STX18: variants seen among roughly 807,000 people sequenced by gnomAD.
STX18 encodes the protein syntaxin 18.
A neutral mutation model predicts 50.1 loss-of-function variants in STX18; 40 were observed. The observed-to-expected ratio is 0.80, with a 90% confidence interval of 0.62 to 1.04. The LOEUF (loss-of-function observed/expected upper bound fraction) is 1.04. Ranked by LOEUF, STX18 falls within the 50% of genes least tolerant of loss-of-function variation. STX18 has a pLI of 0.00. For missense variants in STX18, 410 were observed against 415.8 expected (o/e 0.99, Z 0.12); for synonymous variants, 158 against 151.8 (o/e 1.04, Z -0.30).
chr4:4,431,933 T>C (rs1231607407), intron 7 of STX18, among the ~76,000 whole-genome samples: 1 of 152,170 alleles, frequency 6.6e-6, no homozygotes, highest in Non-Finnish European at 1.5e-5. Context: ...CCACCGACTA[T>C]ACAATGTGCA....
chr4:4,501,452 C>A (rs1284376465), intron 1 of STX18, among the ~76,000 whole-genome samples: 1 of 152,138 alleles, frequency 6.6e-6, no homozygotes, highest in Admixed American at 6.6e-5. Flanking sequence ...TGCAATTAAA[C>A]CCAATTCTTT....
intron 7 of STX18, among the ~76,000 whole-genome samples, chr4:4,433,873 T>C (rs1422548950): frequency 1.3e-5 from 2 of 152,200 alleles, no homozygotes; most frequent in Non-Finnish European, 1.5e-5. Flanking sequence ...CCACTCCTTA[T>C]CTTCTTGAGG....
At chr4:4,499,731 G>C (rs1165546475) in intron 1 of STX18, among the ~76,000 whole-genome samples, 1 of 152,060 alleles carries the variant, frequency 6.6e-6, no homozygotes, top group Non-Finnish European at 1.5e-5. Context: ...ACAATCACTG[G>C]GCAAAAAATC....
chr4:4,541,941 T>G lies in STX18; in HGVS notation c.24A>C (p.Leu8=), dbSNP rs752349492. 5.6e-6 allele frequency: 9 copies of G among 1,607,224 alleles called. No individual in the cohort carries two copies. The highest frequency in any genetic ancestry group is 1.1e-5 in the South Asian group (1 of 90,214). MAVDITL[L]FRASVKTVKT... ...TCACGGTCTTGACGCTGGCCCGGAA[T>G]AGCAGCGTGATGTCCACCGCCATAG... Residue 8 remains leucine, a synonymous_variant, in exon 1 of 11, where the codon CTA becomes CTC. Transcript: ENST00000306200.
At chr4:4,449,331 G>A (rs1342654759) in intron 5 of STX18, among the ~76,000 whole-genome samples, 2 of 152,096 alleles carry the variant, frequency 1.3e-5, no homozygotes, top group Non-Finnish European at 2.9e-5. Flanking sequence ...GATTATAGGT[G>A]TGAGCCACTG....
intron 1 of STX18, among the ~76,000 whole-genome samples, chr4:4,480,380 G>A (rs1728398953): frequency 6.6e-6 from 1 of 152,234 alleles, no homozygotes; most frequent in South Asian, 2.1e-4. Context: ...GCTGTCTCCA[G>A]ACGCAAAGCC....
chr4:4,526,277 C>T (rs753733458), intron 1 of STX18, among the ~76,000 whole-genome samples: 23 of 152,068 alleles, frequency 1.5e-4, no homozygotes, highest in Admixed American at 3.9e-4. Flanking sequence ...ATGGATGAGA[C>T]GGAGAGAAAG....
intron 9 of STX18, among the ~76,000 whole-genome samples, chr4:4,421,416 A>G (rs1180504550): frequency 6.6e-6 from 1 of 151,856 alleles, no homozygotes; most frequent in Non-Finnish European, 1.5e-5. Context: ...ACGCCTGGCT[A>G]AATTTTTAAA....
intron 7 of STX18, chr4:4,425,561 T>C (rs748090572): frequency 4.0e-5 from 15 of 376,864 alleles, no homozygotes; most frequent in Middle Eastern, 7.3e-4. Flanking sequence ...AGTACCATTA[T>C]TAAGAAAATT....
At chr4:4,427,524 C>T (rs1418689364) in intron 7 of STX18, among the ~76,000 whole-genome samples, 3 of 152,252 alleles carry the variant, frequency 2.0e-5, no homozygotes, top group Non-Finnish European at 4.4e-5. Flanking sequence ...TACTACTCAG[C>T]TTTCCCTGGG....
intron 2 of STX18, among the ~76,000 whole-genome samples, chr4:4,469,437 G>A (rs1308865601): frequency 6.6e-6 from 1 of 152,150 alleles, no homozygotes; most frequent in Non-Finnish European, 1.5e-5. Context: ...GACAGGGCCT[G>A]TTGGCTTAAG....
chr4:4,504,624 AG>A (rs769779931), intron 1 of STX18, among the ~76,000 whole-genome samples: 36 of 152,348 alleles, frequency 2.4e-4, no homozygotes, highest in Middle Eastern at 3.4e-3. Flanking sequence ...GTCAAAACTA[AG>A]AAAACAAAAA....
At chr4:4,529,534 T>A (rs1577406476) in intron 1 of STX18, among the ~76,000 whole-genome samples, 1 of 151,628 alleles carries the variant, frequency 6.6e-6, no homozygotes, top group South Asian at 2.1e-4. Flanking sequence ...AAAGAGCAAA[T>A]CCCCAGAGGC....
At chr4:4,528,244 A>G (rs1303920686) in intron 1 of STX18, among the ~76,000 whole-genome samples, 1 of 152,078 alleles carries the variant, frequency 6.6e-6, no homozygotes, top group Admixed American at 6.6e-5. Context: ...CCCACTATGC[A>G]GCCCATAAAG....
At chr4:4,522,016 T>C (rs1730529299) in intron 1 of STX18, among the ~76,000 whole-genome samples, 3 of 152,210 alleles carry the variant, frequency 2.0e-5, no homozygotes, top group Admixed American at 2.0e-4. Context: ...ATATCTACTG[T>C]ACAGGACAGA....
At chr4:4,478,259 C>T (rs1728293382) in intron 1 of STX18, among the ~76,000 whole-genome samples, 2 of 148,826 alleles carry the variant, frequency 1.3e-5, no homozygotes, top group South Asian at 4.2e-4. Flanking sequence ...CACTGATTGA[C>T]ATTTGTCTCC....
chr4:4,425,597 A>C, intron 7 of STX18: 1 of 300,372 alleles, frequency 3.3e-6, no homozygotes, highest in South Asian at 5.0e-5. Flanking sequence ...TCTCTCATGA[A>C]CTATACTGAA....
chr4:4,473,722 T>C (rs534378090), intron 1 of STX18, among the ~76,000 whole-genome samples: 2 of 152,286 alleles, frequency 1.3e-5, no homozygotes, highest in South Asian at 4.1e-4. Context: ...TCCATCTCCT[T>C]ACCTCCTTCC....
chr4:4,454,867 GAAATA>G (rs1372527929), intron 5 of STX18, among the ~76,000 whole-genome samples: 1 of 152,144 alleles, frequency 6.6e-6, no homozygotes, highest in African/African-American at 2.4e-5. Context: ...GAGGATTAAT[GAAATA>G]AAATAATATA....
Sources: gnomAD v4.1 joint callset for allele counts (sites outside exome capture counted in the v4.1 genomes callset) on GRCh38, gnomAD v4.1.1 for gene constraint, MANE v1.5 for transcripts, NCBI Gene and HGNC (gene_info 2026-07-23, HGNC 2026-07-21) for gene names.